Variants in PTPRD observed in about 807,000 individuals in gnomAD.
PTPRD encodes the protein protein tyrosine phosphatase receptor type D.
A neutral mutation model predicts 214.5 loss-of-function variants in PTPRD; 34 were observed. The observed-to-expected ratio is 0.16, with a 90% CI of 0.12 to 0.21. The LOEUF (loss-of-function observed/expected upper bound fraction) is 0.21. Among genes scored for constraint, PTPRD ranks in the 10% least tolerant of loss-of-function variants. The probability of loss-of-function intolerance (pLI) is 1.00; values close to 1 mark genes in which losing one functional copy is unlikely to be tolerated. For synonymous variants in PTPRD, 1,128 were observed against 845.7 expected (o/e 1.33, Z -5.79); for missense variants, 2,545 against 2,398.7 (o/e 1.06, Z -1.27).
intron 5 of PTPRD, among the ~76,000 whole-genome samples, chr9:9,902,192 C>T (rs1044814225): frequency 2.0e-5 from 3 of 151,460 alleles, no homozygotes; most frequent in African/African-American, 7.3e-5. Context: ...CTTGTGTGTA[C>T]GTGCATCAGC....
chr9:9,864,119 A>G (rs2063404120), intron 5 of PTPRD, among the ~76,000 whole-genome samples: 2 of 152,164 alleles, frequency 1.3e-5, no homozygotes, highest in Non-Finnish European at 2.9e-5. Context: ...AGCCTGGCCA[A>G]CATGGTGAAA....
intron 2 of PTPRD, among the ~76,000 whole-genome samples, chr9:10,483,661 A>T (rs2146092): frequency 0.29 from 44,119 of 152,012 alleles, 7,593 homozygotes; most frequent in African/African-American, 0.47. Flanking sequence ...GCCAACAAAC[A>T]TATGAAAAAA....
chr9:9,941,480 G>A (rs2091434549), intron 4 of PTPRD, among the ~76,000 whole-genome samples: 2 of 152,024 alleles, frequency 1.3e-5, no homozygotes, highest in Non-Finnish European at 2.9e-5. Flanking sequence ...CCAGCACCAC[G>A]CCTGGGTAAT....
At chr9:9,785,334 G>A (rs1358387649) in intron 5 of PTPRD, among the ~76,000 whole-genome samples, 1 of 151,900 alleles carries the variant, frequency 6.6e-6, no homozygotes, top group Admixed American at 6.6e-5. Context: ...ATATTTATTA[G>A]CTATGAAGGG....
At chr9:9,210,810 G>A (rs1193333955) in intron 9 of PTPRD, among the ~76,000 whole-genome samples, 1 of 150,660 alleles carries the variant, frequency 6.6e-6, no homozygotes, top group African/African-American at 2.4e-5. Context: ...TTGCTCCCTG[G>A]CACAAATGTA....
intron 10 of PTPRD, among the ~76,000 whole-genome samples, chr9:9,102,928 T>C (rs1334405967): frequency 1.3e-5 from 2 of 152,248 alleles, no homozygotes; most frequent in Non-Finnish European, 2.9e-5. Flanking sequence ...TTTTGTTTTC[T>C]TGCAAATAGA....
At chr9:8,381,602 G>T (rs1254730620) in intron 37 of PTPRD, among the ~76,000 whole-genome samples, 2 of 152,146 alleles carry the variant, frequency 1.3e-5, no homozygotes, top group African/African-American at 4.8e-5. Context: ...TATTTGAAAT[G>T]AGAGTGATAT....
chr9:8,797,708 T>G (rs999527040), intron 11 of PTPRD, among the ~76,000 whole-genome samples: 10 of 152,186 alleles, frequency 6.6e-5, no homozygotes, highest in Non-Finnish European at 1.2e-4. Context: ...GCTGAACCAT[T>G]TATCCCACTA....
chr9:9,261,023 G>A (rs1003447182), intron 9 of PTPRD, among the ~76,000 whole-genome samples: 1 of 151,774 alleles, frequency 6.6e-6, no homozygotes, highest in African/African-American at 2.4e-5. Context: ...TGAAACTTAT[G>A]TTTGCAAAAG....
chr9:9,548,384 T>C (rs1254825784), intron 8 of PTPRD, among the ~76,000 whole-genome samples: 3 of 150,876 alleles, frequency 2.0e-5, no homozygotes, highest in Non-Finnish European at 4.4e-5. Context: ...AATTACTTGC[T>C]ACGTATATGT....
At chr9:10,460,791 T>C (rs1350457735) in intron 2 of PTPRD, among the ~76,000 whole-genome samples, 2 of 152,030 alleles carry the variant, frequency 1.3e-5, no homozygotes, top group Non-Finnish European at 2.9e-5. Flanking sequence ...AAACTCCTAG[T>C]AGAGAACATA....
At chr9:8,710,828 T>TTTA (rs1339667224) in intron 12 of PTPRD, among the ~76,000 whole-genome samples, 9 of 152,252 alleles carry the variant, frequency 5.9e-5, no homozygotes, top group Non-Finnish European at 8.8e-5. Flanking sequence ...CCTTCAAACA[T>TTTA]TTAGTGTTCA....
intron 14 of PTPRD, among the ~76,000 whole-genome samples, chr9:8,571,874 C>A (rs947992562): frequency 2.6e-5 from 4 of 152,062 alleles, no homozygotes; most frequent in African/African-American, 9.7e-5. Context: ...AGCCAAAACT[C>A]ATTCAGAGCA....
chr9:8,674,330 C>T (rs915405086), intron 12 of PTPRD, among the ~76,000 whole-genome samples: 2 of 151,778 alleles, frequency 1.3e-5, no homozygotes, highest in Admixed American at 6.6e-5. Flanking sequence ...TGGTGGCACA[C>T]GCCTGTAGTC....
intron 9 of PTPRD, among the ~76,000 whole-genome samples, chr9:9,376,583 A>G (rs2060864546): frequency 6.6e-6 from 1 of 152,180 alleles, no homozygotes; most frequent in Non-Finnish European, 1.5e-5. Context: ...GACATTTAAT[A>G]AAGTGAAACA....
intron 9 of PTPRD, among the ~76,000 whole-genome samples, chr9:9,222,357 A>G (rs2099956650): frequency 6.6e-6 from 1 of 152,136 alleles, no homozygotes; most frequent in Non-Finnish European, 1.5e-5. Context: ...AAATGGCATT[A>G]TTTTTGAAAT....
At chr9:10,039,433 A>G (rs1451177790) in intron 3 of PTPRD, among the ~76,000 whole-genome samples, 1 of 152,056 alleles carries the variant, frequency 6.6e-6, no homozygotes, top group African/African-American at 2.4e-5. Context: ...AAGGTATATA[A>G]ATCTCTATTA....
At chr9:9,661,054 A>G (rs1477875181) in intron 7 of PTPRD, among the ~76,000 whole-genome samples, 3 of 152,048 alleles carry the variant, frequency 2.0e-5, no homozygotes, top group East Asian at 1.9e-4. Context: ...GTAACTTTCC[A>G]TAAAGAAATG....
intron 12 of PTPRD, among the ~76,000 whole-genome samples, chr9:8,681,490 T>C (rs1445152912): frequency 6.6e-6 from 1 of 152,184 alleles, no homozygotes; most frequent in African/African-American, 2.4e-5. Context: ...CCCAGCCTTC[T>C]CTTTTTCCAC....
Sources: allele counts gnomAD v4.1 joint callset (sites outside exome capture counted in the v4.1 genomes callset), GRCh38; gene constraint gnomAD v4.1.1; transcripts MANE v1.5; gene names NCBI Gene and HGNC (gene_info 2026-07-23, HGNC 2026-07-21).